TEAD1: variants seen among roughly 807,000 people sequenced by gnomAD.
TEAD1 encodes TEA domain transcription factor 1.
TEAD1 carries 9 observed loss-of-function variants against 54.9 expected under a neutral mutation model. The observed-to-expected ratio is 0.16, with a 90% confidence interval of 0.10 to 0.29. The LOEUF (loss-of-function observed/expected upper bound fraction) is 0.29. TEAD1 is among the 10% of genes least tolerant of loss of function. TEAD1 has a pLI of 1.00. For missense variants in TEAD1, 387 were observed against 535.9 expected, an observed-to-expected ratio of 0.72 and a Z score of 2.74; for synonymous variants, 200 against 187.8, an observed-to-expected ratio of 1.07 and a Z score of -0.53.
chr11:12,689,848 C>T lies in TEAD1; in HGVS notation c.-55+14287C>T, dbSNP rs530190588. 3.9e-5 allele frequency among the ~76,000 whole-genome samples: 6 copies of T among 152,140 alleles called. No homozygotes were observed. The East Asian group carries it at 1.2e-3, about 29-fold the overall frequency. On this transcript the variant is annotated intron_variant, in intron 2 of 12. Coordinates refer to ENST00000527636, the MANE Select transcript of TEAD1 (RefSeq NM_021961.6). ...TTTGGAAGCAATCCTAGTTGTCATA[C>T]CGTTTCATCTGTAAATTAGTACATA...
intron 3 of TEAD1, among the ~76,000 whole-genome samples, chr11:12,803,409 G>GTTTAAGTTCATTGTTTGTGGGA (rs1407702368): frequency 6.6e-6 from 1 of 152,204 alleles, no homozygotes; most frequent in African/African-American, 2.4e-5. Flanking sequence ...CTCTTTCTTG[G>GTTTAAGTTCATTGTTTGTGGGA]TTTAAGTTCA....
At chr11:12,785,234 T>G (rs997662418) in intron 3 of TEAD1, among the ~76,000 whole-genome samples, 7 of 152,120 alleles carry the variant, frequency 4.6e-5, no homozygotes, top group Non-Finnish European at 7.4e-5. Flanking sequence ...GCTGCTCTCT[T>G]AGACACAGAG....
chr11:12,797,822 C>A (rs942516920), intron 3 of TEAD1, among the ~76,000 whole-genome samples: 1 of 152,110 alleles, frequency 6.6e-6, no homozygotes, highest in Non-Finnish European at 1.5e-5. Flanking sequence ...ATCCTATCTA[C>A]TATTTTTCAA....
intron 12 of TEAD1, among the ~76,000 whole-genome samples, chr11:12,935,958 T>G (rs1364568099): frequency 6.6e-6 from 1 of 152,144 alleles, no homozygotes; most frequent in Non-Finnish European, 1.5e-5. Context: ...ATTCTTTAAG[T>G]AGGGACTGGA....
intron 6 of TEAD1, among the ~76,000 whole-genome samples, 153 bp downstream of exon 6, chr11:12,879,995 G>A (rs1430235109): frequency 2.0e-5 from 3 of 152,114 alleles, no homozygotes; most frequent in African/African-American, 7.2e-5. Context: ...GTCTAAAGTG[G>A]TGAAAGTAAG....
intron 2 of TEAD1, among the ~76,000 whole-genome samples, chr11:12,759,432 A>G (rs1017999734): frequency 1.3e-5 from 2 of 148,712 alleles, no homozygotes; most frequent in Non-Finnish European, 2.9e-5. Context: ...AGTTACCAGG[A>G]TATTTGGATT....
intron 3 of TEAD1, among the ~76,000 whole-genome samples, chr11:12,820,460 C>G (rs1051402132): frequency 1.3e-5 from 2 of 152,120 alleles, no homozygotes; most frequent in African/African-American, 4.8e-5. Context: ...CCTTCTCACC[C>G]AAACCATGAT....
intron 12 of TEAD1, among the ~76,000 whole-genome samples, chr11:12,930,747 A>G (rs1002278411): frequency 2.6e-5 from 4 of 152,186 alleles, no homozygotes; most frequent in African/African-American, 9.7e-5. Flanking sequence ...GCCAAGTTTT[A>G]GTCTCAGCAG....
intron 3 of TEAD1, among the ~76,000 whole-genome samples, chr11:12,830,555 C>CTT (rs2134016569): frequency 6.6e-6 from 1 of 152,264 alleles, no homozygotes; most frequent in African/African-American, 2.4e-5. Context: ...AGCCTCCCCA[C>CTT]ACGACACAGC....
intron 3 of TEAD1, among the ~76,000 whole-genome samples, chr11:12,841,909 G>C (rs144674307): frequency 6.6e-6 from 1 of 152,274 alleles, no homozygotes; most frequent in African/African-American, 2.4e-5. Context: ...CCGTTCATAT[G>C]AAATAGTCTG....
chr11:12,855,362 T>C (rs2134057421), intron 3 of TEAD1, among the ~76,000 whole-genome samples: 1 of 152,236 alleles, frequency 6.6e-6, no homozygotes, highest in African/African-American at 2.4e-5. Flanking sequence ...TGATCTCAGC[T>C]CACTGCAACC....
chr11:12,680,569 T>A (rs879523152), intron 2 of TEAD1, among the ~76,000 whole-genome samples: 1 of 152,202 alleles, frequency 6.6e-6, no homozygotes, highest in Non-Finnish European at 1.5e-5. Context: ...CCTCCCCCAC[T>A]GGGCAGCTCC....
intron 2 of TEAD1, among the ~76,000 whole-genome samples, chr11:12,700,860 C>A (rs936638241): frequency 6.6e-6 from 1 of 152,198 alleles, no homozygotes; most frequent in Non-Finnish European, 1.5e-5. Flanking sequence ...ACTGCTTCTT[C>A]AATAAAAATT....
In TEAD1 at chr11:12,729,928, C is replaced by T. The variant is rs534102602; in HGVS notation, c.-54-34251C>T. On this transcript the variant is annotated intron_variant, in intron 2 of 12. Transcript: ENST00000527636. ...GCATGTGTTGCTTATTCCATCCACACGCTGCAGATTCACAGCGCAGCATAT... is the reference window on the plus strand; with the variant it reads ...GCATGTGTTGCTTATTCCATCCACATGCTGCAGATTCACAGCGCAGCATAT... Among the ~76,000 whole-genome samples, 9 of 152,318 alleles carry T rather than the reference C, an allele frequency of 5.9e-5. No individual in the cohort carries two copies. The South Asian group carries it at 6.2e-4, about 11-fold the overall frequency.
At chr11:12,679,449 T>C (rs1306719707) in intron 2 of TEAD1, among the ~76,000 whole-genome samples, 1 of 152,212 alleles carries the variant, frequency 6.6e-6, no homozygotes, top group Admixed American at 6.5e-5. Context: ...TTCTGGTTGC[T>C]TTTAGGCATC....
intron 3 of TEAD1, among the ~76,000 whole-genome samples, chr11:12,783,306 G>A (rs951251619): frequency 6.6e-6 from 1 of 151,064 alleles, no homozygotes; most frequent in African/African-American, 2.4e-5. Flanking sequence ...GAATGTTTGA[G>A]CCTCCCTACA....
intron 10 of TEAD1, 63 bp from the exon 11 acceptor site, chr11:12,924,849 C>A: frequency 1.2e-6 from 2 of 1,602,786 alleles, no homozygotes; most frequent in Non-Finnish European, 1.7e-6. Flanking sequence ...CTGAAAGTTA[C>A]TGCTCGGTGC....
intron 3 of TEAD1, among the ~76,000 whole-genome samples, chr11:12,848,226 T>C (rs1438568046): frequency 6.6e-6 from 1 of 152,212 alleles, no homozygotes; most frequent in Non-Finnish European, 1.5e-5. Flanking sequence ...GTTTCTCTTC[T>C]AGAGCCTAGC....
intron 2 of TEAD1, among the ~76,000 whole-genome samples, chr11:12,712,327 A>C (rs745871919): frequency 6.6e-6 from 1 of 152,124 alleles, no homozygotes; most frequent in Non-Finnish European, 1.5e-5. Flanking sequence ...GGCCTCTGGA[A>C]TCTTTGCTGG....
Sources: allele counts gnomAD v4.1 joint callset (sites outside exome capture counted in the v4.1 genomes callset), GRCh38; gene constraint gnomAD v4.1.1; transcripts MANE v1.5; gene names NCBI Gene and HGNC (gene_info 2026-07-23, HGNC 2026-07-21).